Variants in EIF4G3 observed in about 807,000 individuals in gnomAD.
EIF4G3 encodes eIF-4-gamma 3.
EIF4G3 carries 34 observed loss-of-function variants against 186.4 expected under a neutral mutation model. The observed-to-expected ratio is 0.18, with a 90% CI of 0.14 to 0.24. EIF4G3 has a LOEUF of 0.24. Ranked by LOEUF, EIF4G3 falls within the 10% of genes least tolerant of loss-of-function variation. The probability of loss-of-function intolerance (pLI) is 1.00; values close to 1 mark genes in which losing one functional copy is unlikely to be tolerated. For missense variants in EIF4G3, 1,536 were observed against 1,948.5 expected, an observed-to-expected ratio of 0.79 and a Z score of 3.99; for synonymous variants, 673 against 679.5, an observed-to-expected ratio of 0.99 and a Z score of 0.15.
chr1:20,874,940 T>C (rs2080319482), intron 20 of EIF4G3, among the ~76,000 whole-genome samples: 1 of 152,190 alleles, frequency 6.6e-6, no homozygotes, highest in Admixed American at 6.5e-5. Context: ...CCCTCAAAAG[T>C]AATCAACTAC....
intron 13 of EIF4G3, among the ~76,000 whole-genome samples, chr1:20,948,187 GA>G (rs1247520339): frequency 6.6e-6 from 1 of 152,134 alleles, no homozygotes; most frequent in Non-Finnish European, 1.5e-5. Context: ...GTTTTGAAGG[GA>G]AATACTCTGA....
At chr1:20,912,155 T>C (rs1014256894) in intron 14 of EIF4G3, among the ~76,000 whole-genome samples, 1 of 152,156 alleles carries the variant, frequency 6.6e-6, no homozygotes, top group Non-Finnish European at 1.5e-5. Flanking sequence ...CATGCACCTG[T>C]GGTCCAAGCT....
intron 2 of EIF4G3, among the ~76,000 whole-genome samples, chr1:21,173,229 C>G (rs368884411): frequency 4.0e-5 from 6 of 149,082 alleles, no homozygotes; most frequent in African/African-American, 1.2e-4. Context: ...TGGAGTCTCA[C>G]TCTGTAACCC....
chr1:20,860,621 A>C, intron 23 of EIF4G3, 104 bp from the exon 24 acceptor site: 3 of 1,276,104 alleles, frequency 2.4e-6, no homozygotes, highest in Non-Finnish European at 2.1e-6. Context: ...ATACCTACAA[A>C]AGCTGTATTA....
intron 29 of EIF4G3, among the ~76,000 whole-genome samples, chr1:20,848,262 G>A (rs967571225): frequency 3.9e-5 from 6 of 152,084 alleles, no homozygotes; most frequent in Admixed American, 6.6e-5. Flanking sequence ...CACTGCACCC[G>A]GCCAAGAAAA....
chr1:21,132,666 C>T (rs2097174680), intron 2 of EIF4G3, among the ~76,000 whole-genome samples: 2 of 152,080 alleles, frequency 1.3e-5, no homozygotes, highest in Non-Finnish European at 2.9e-5. Flanking sequence ...TGTCAAACTC[C>T]TGGGCTCAAG....
chr1:20,833,796 G>A (rs977617714), intron 30 of EIF4G3, among the ~76,000 whole-genome samples: 16 of 152,196 alleles, frequency 1.1e-4, no homozygotes, highest in East Asian at 1.9e-4. Context: ...TTGATGGGAC[G>A]TATTTCAACA....
intron 22 of EIF4G3, 144 bp from the exon 23 acceptor site, chr1:20,862,476 C>T (rs1476845166): frequency 3.6e-6 from 2 of 551,490 alleles, no homozygotes; most frequent in Non-Finnish European, 6.3e-6. Flanking sequence ...AGTGCAGTAG[C>T]ACAATCACGG....
intron 14 of EIF4G3, among the ~76,000 whole-genome samples, chr1:20,917,605 C>T (rs1370151169): frequency 6.6e-6 from 1 of 152,110 alleles, no homozygotes; most frequent in East Asian, 1.9e-4. Flanking sequence ...CAGTGCTTGC[C>T]TGGCGATGAA....
At chr1:20,905,773 T>C (rs752416145) in intron 14 of EIF4G3, among the ~76,000 whole-genome samples, 24 of 152,058 alleles carry the variant, frequency 1.6e-4, no homozygotes, top group Non-Finnish European at 2.4e-4. Context: ...TATGAATCAA[T>C]AGACAAGAGT....
intron 3 of EIF4G3, among the ~76,000 whole-genome samples, chr1:21,088,166 C>A (rs2096060446): frequency 6.6e-6 from 1 of 151,970 alleles, no homozygotes; most frequent in Non-Finnish European, 1.5e-5. Flanking sequence ...GTGGCTCAGG[C>A]CTGTAATCCC....
intron 7 of EIF4G3, among the ~76,000 whole-genome samples, chr1:20,989,352 T>A (rs931310733): frequency 6.6e-6 from 1 of 150,978 alleles, no homozygotes; most frequent in African/African-American, 2.4e-5. Flanking sequence ...GGTCCCGAGT[T>A]CGAGACCAGC....
chr1:21,078,204 T>TG (rs769358233), intron 3 of EIF4G3, among the ~76,000 whole-genome samples: 6 of 152,240 alleles, frequency 3.9e-5, no homozygotes, highest in Non-Finnish European at 7.3e-5. Context: ...ATAGCCAAGA[T>TG]GTGGATCAAT....
At chr1:21,124,455 T>C (rs2096988985) in intron 2 of EIF4G3, among the ~76,000 whole-genome samples, 1 of 152,190 alleles carries the variant, frequency 6.6e-6, no homozygotes, top group African/African-American at 2.4e-5. Flanking sequence ...GCTGATACTT[T>C]ATTATGGAAA....
chr1:20,856,219 T>C (rs139097982), intron 25 of EIF4G3, among the ~76,000 whole-genome samples: 1 of 152,342 alleles, frequency 6.6e-6, no homozygotes, highest in East Asian at 1.9e-4. Flanking sequence ...TTTTCTATCA[T>C]GAAGCAAAGC....
intron 2 of EIF4G3, among the ~76,000 whole-genome samples, chr1:21,132,995 G>C (rs1318980287): frequency 6.6e-6 from 1 of 151,852 alleles, no homozygotes; most frequent in African/African-American, 2.4e-5. Flanking sequence ...TGTTGTCCAG[G>C]CTAGTCTTGA....
intron 3 of EIF4G3, among the ~76,000 whole-genome samples, chr1:21,069,049 G>A (rs2095361111): frequency 6.6e-6 from 1 of 152,166 alleles, no homozygotes; most frequent in Non-Finnish European, 1.5e-5. Flanking sequence ...TTTTTCACCA[G>A]TTAACTCCTC....
chr1:20,942,156 C>T lies in EIF4G3; in HGVS notation c.998G>A (p.Ser333Asn). The change falls in exon 14 of 37, where the codon AGT (serine) becomes AAT (asparagine). Residue 333 changes from serine to asparagine, a missense_variant. Physicochemically the swap from Ser to Asn is conservative, Grantham distance 46 (BLOSUM62 1). Transcript: ENST00000602326. ...AGAAGAGGTGGGGGCTGCAATTGTA[C>T]TTCGAGCAACAGAAGAAACAGTGGT... Reference protein sequence around the residue: ...SPTTVSSVARSTIAAPTSSAL... With the variant: ...SPTTVSSVARNTIAAPTSSAL... The T allele has an allele frequency of 6.2e-7, 1 of 1,614,088 alleles. No individual in the cohort carries two copies. Among genetic ancestry groups the T allele is most frequent in the Non-Finnish European group, 8.5e-7 (1 of 1,179,978 alleles).
intron 2 of EIF4G3, among the ~76,000 whole-genome samples, chr1:21,168,401 C>G (rs970634731): frequency 5.3e-5 from 8 of 149,880 alleles, no homozygotes; most frequent in African/African-American, 2.0e-4. Flanking sequence ...GAGGCTCCGT[C>G]TCAATTTTTT....
Sources: allele counts gnomAD v4.1 joint callset (sites outside exome capture counted in the v4.1 genomes callset), GRCh38; gene constraint gnomAD v4.1.1; transcripts MANE v1.5; gene names NCBI Gene and HGNC (gene_info 2026-07-23, HGNC 2026-07-21).